VPS36: variants seen among roughly 807,000 people sequenced by gnomAD.
VPS36 encodes vacuolar protein sorting 36 homolog.
A neutral mutation model predicts 63.5 loss-of-function variants in VPS36; 31 were observed. That is an observed-to-expected ratio of 0.49 (90% CI 0.37 to 0.66). VPS36 has a LOEUF of 0.66. Among genes scored for constraint, VPS36 ranks in the 30% least tolerant of loss-of-function variants. The pLI is 0.00. For synonymous variants in VPS36, 138 were observed against 157.2 expected (o/e 0.88, Z 0.91); for missense variants, 338 against 463.7 (o/e 0.73, Z 2.49).
At position 52,415,423 on chromosome 13, in the gene VPS36, C is replaced by G. The variant is rs1354663604; in HGVS notation, c.*407G>C. ...CATGCTGCAGTATATTTTGTCCCAA[C>G]ATTGTCATGTGCAATCAGTGAATTT... On this transcript the variant is annotated 3_prime_UTR_variant, in exon 14 of 14. Coordinates refer to ENST00000378060, the MANE Select transcript of VPS36 (RefSeq NM_016075.4). The G allele has an allele frequency of 6.0e-6, 1 of 165,918 alleles. No homozygotes were observed. Among genetic ancestry groups the G allele is most frequent in the African/African-American group, 2.4e-5 (1 of 41,564 alleles). 10.3% of individuals were successfully genotyped at this position (165,918 alleles called of 1,614,324 possible).
intron 1 of VPS36, among the ~76,000 whole-genome samples, chr13:52,445,594 G>A (rs182536556): frequency 2.1e-5 from 3 of 139,570 alleles, no homozygotes; most frequent in African/African-American, 8.1e-5. Flanking sequence ...AGCTGAGATC[G>A]TGCCATTGCA....
In VPS36 at chr13:52,450,517, G is replaced by T; in HGVS notation, c.78C>A (p.Ile26=). The T allele has an allele frequency of 6.3e-7, 1 of 1,594,548 alleles. No individual in the cohort carries two copies. The highest frequency in any genetic ancestry group is 2.3e-5 in the East Asian group (1 of 42,802). Residue 26 remains isoleucine, a synonymous_variant, in exon 1 of 14, where the codon ATC becomes ATA. Transcript: ENST00000378060. The stretch of plus-strand genomic sequence containing the variant: ...GCCCTACCTTCTCCTCGCCATCGTA[G>T]ATTCGCACCCCGCGCTGCTGGATCA... ...TLVIQQRGVR[I]YDGEEKIKFD...
chr13:52,430,878 C>T (rs754071246), intron 6 of VPS36, among the ~76,000 whole-genome samples: 4 of 151,156 alleles, frequency 2.6e-5, no homozygotes, highest in Non-Finnish European at 5.9e-5. Context: ...TTGATAGCAA[C>T]ACTTCATGCC....
At chr13:52,439,490 G>A (rs1360952318) in intron 2 of VPS36, among the ~76,000 whole-genome samples, 3 of 151,824 alleles carry the variant, frequency 2.0e-5, no homozygotes, top group Non-Finnish European at 4.4e-5. Flanking sequence ...CTGTCACCCA[G>A]GCTGGAGTGC....
At chr13:52,418,685 C>T (rs1161362135) in intron 10 of VPS36, among the ~76,000 whole-genome samples, 3 of 148,062 alleles carry the variant, frequency 2.0e-5, no homozygotes, top group African/African-American at 7.5e-5. Context: ...ATAATCAATA[C>T]AAAAAATTAT....
intron 12 of VPS36, 58 bp downstream of exon 12, chr13:52,416,999 T>C (rs1958000320): frequency 1.4e-6 from 2 of 1,441,742 alleles, no homozygotes; most frequent in East Asian, 4.6e-5. Context: ...TTTGAGTTGC[T>C]AAGCCTTCGG....
chr13:52,444,330 G>A (rs1244460774), intron 1 of VPS36, among the ~76,000 whole-genome samples: 1 of 151,782 alleles, frequency 6.6e-6, no homozygotes, highest in Non-Finnish European at 1.5e-5. Context: ...TGTGGTGGCG[G>A]GTGCCTGTAG....
intron 10 of VPS36, among the ~76,000 whole-genome samples, chr13:52,419,909 A>C (rs1958029542): frequency 6.6e-6 from 1 of 152,146 alleles, no homozygotes; most frequent in Admixed American, 6.5e-5. Flanking sequence ...AAGGAGGGAT[A>C]AAGAGAGGTT....
intron 10 of VPS36, among the ~76,000 whole-genome samples, chr13:52,419,025 A>G (rs1372309726): frequency 6.6e-6 from 1 of 152,254 alleles, no homozygotes; most frequent in African/African-American, 2.4e-5. Flanking sequence ...CCCCTACACT[A>G]AAAGTAGCCA....
intron 2 of VPS36, among the ~76,000 whole-genome samples, chr13:52,440,780 A>G (rs773896582): frequency 1.3e-5 from 2 of 152,172 alleles, no homozygotes; most frequent in Non-Finnish European, 2.9e-5. Context: ...TTCTGAATAT[A>G]TATTACTTTT....
intron 6 of VPS36, among the ~76,000 whole-genome samples, chr13:52,432,475 T>G (rs1404244252): frequency 6.6e-6 from 1 of 152,250 alleles, no homozygotes; most frequent in African/African-American, 2.4e-5. Flanking sequence ...CTTTCCTATA[T>G]GAACTGGACA....
intron 12 of VPS36, among the ~76,000 whole-genome samples, chr13:52,416,668 C>T (rs926626920): frequency 2.0e-5 from 3 of 152,098 alleles, no homozygotes; most frequent in Middle Eastern, 3.2e-3. Flanking sequence ...TTTTTTGAAG[C>T]AATTATTTTC....
intron 2 of VPS36, among the ~76,000 whole-genome samples, chr13:52,439,737 C>T (rs1480051757): frequency 6.6e-6 from 1 of 151,958 alleles, no homozygotes; most frequent in African/African-American, 2.4e-5. Flanking sequence ...TGAGCCACCG[C>T]ACCCAGCCAC....
rs145533794 is a variant in VPS36 at position 52,435,013 on chromosome 13, C to A, written c.352-131G>T. The stretch of plus-strand genomic sequence containing the variant: ...TGAGGTGGAGTTTTGTTCTTGTTGC[C>A]CAGGCTGGAGTGCAATGGCGTGATC... On this transcript the variant is annotated intron_variant, in intron 4 of 13. Coordinates refer to ENST00000378060, the MANE Select transcript of VPS36 (RefSeq NM_016075.4). The A allele has an allele frequency of 1.2e-3, 1,089 of 874,926 alleles. 8 individuals are homozygous for A. In the African/African-American group the frequency reaches 0.018, roughly 15 times the overall value. 54.2% of individuals were successfully genotyped at this position (874,926 alleles called of 1,614,324 possible).
chr13:52,450,398 C>T, intron 1 of VPS36, 101 bp downstream of exon 1: 4 of 1,333,026 alleles, frequency 3.0e-6, no homozygotes, highest in Non-Finnish European at 3.8e-6. Context: ...TGAGCTAAGC[C>T]GGGGACCGGG....
chr13:52,416,963 G>C, intron 12 of VPS36, 94 bp downstream of exon 12: 1 of 1,062,618 alleles, frequency 9.4e-7, no homozygotes, highest in South Asian at 1.6e-5. Context: ...TTTCAGTAAA[G>C]TTAAATTCAA....
chr13:52,428,848 C>T (rs1362069227), intron 6 of VPS36, among the ~76,000 whole-genome samples: 1 of 151,724 alleles, frequency 6.6e-6, no homozygotes. Context: ...AGCTGAGAGT[C>T]CACAAAGAAT....
chr13:52,432,755 A>C (rs1487129963), intron 6 of VPS36, among the ~76,000 whole-genome samples: 1 of 152,238 alleles, frequency 6.6e-6, no homozygotes, highest in Non-Finnish European at 1.5e-5. Flanking sequence ...GTTGAGGAAA[A>C]TATACAACTT....
At chr13:52,436,597 TTGAACCAAAGCTA>T (rs1958221061) in intron 3 of VPS36, among the ~76,000 whole-genome samples, 193 bp from the exon 4 acceptor site, 1 of 152,186 alleles carries the variant, frequency 6.6e-6, no homozygotes, top group African/African-American at 2.4e-5. Context: ...TACTTAAAAC[TTGAACCAAAGCTA>T]TGAACCAAAA....
Sources: gnomAD v4.1 joint callset for allele counts (sites outside exome capture counted in the v4.1 genomes callset) on GRCh38, gnomAD v4.1.1 for gene constraint, MANE v1.5 for transcripts, NCBI Gene and HGNC (gene_info 2026-07-23, HGNC 2026-07-21) for gene names.